RBFOX1: variants seen among roughly 807,000 people sequenced by gnomAD.
RBFOX1 encodes RNA binding protein fox-1 homolog 1.
In RBFOX1, 8 loss-of-function variants were observed where a neutral mutation model predicts 57.7. That is an observed-to-expected ratio of 0.14 (90% confidence interval 0.08 to 0.25). RBFOX1 has a LOEUF of 0.25. Among genes scored for constraint, RBFOX1 ranks in the 10% least tolerant of loss-of-function variants. The pLI is 1.00. For synonymous variants in RBFOX1, 326 were observed against 222.4 expected (o/e 1.47, Z -4.15); for missense variants, 611 against 548.5 (o/e 1.11, Z -1.14).
At chr16:7,373,921 C>T (rs960166713) in intron 4 of RBFOX1, among the ~76,000 whole-genome samples, 6 of 152,182 alleles carry the variant, frequency 3.9e-5, no homozygotes, top group African/African-American at 1.2e-4. Context: ...AACTTAGGCT[C>T]CTCGTAGCAG....
intron 5 of RBFOX1, among the ~76,000 whole-genome samples, chr16:7,568,770 C>T (rs1233550661): frequency 3.3e-5 from 5 of 150,564 alleles, no homozygotes; most frequent in Non-Finnish European, 7.4e-5. Flanking sequence ...ACTTGTAGTG[C>T]CAGCTACTTG....
intron 2 of RBFOX1, among the ~76,000 whole-genome samples, chr16:5,581,820 G>A (rs12448193): frequency 0.083 from 12,696 of 152,114 alleles, 1,310 homozygotes; most frequent in East Asian, 0.52. Flanking sequence ...TGCAAGGTGG[G>A]CCCAGGTAAG....
chr16:5,246,233 G>A (rs2062296850), intron 1 of RBFOX1, among the ~76,000 whole-genome samples: 2 of 152,272 alleles, frequency 1.3e-5, no homozygotes, highest in Admixed American at 6.5e-5. Context: ...GTGACAGAGC[G>A]AGACTCTGTT....
intron 2 of RBFOX1, among the ~76,000 whole-genome samples, chr16:6,454,224 G>A (rs114185962): frequency 0.012 from 1,888 of 152,264 alleles, 41 homozygotes; most frequent in African/African-American, 0.044. Flanking sequence ...GAATTTGGGA[G>A]TGGGGCAAGT....
chr16:6,593,781 G>A lies in RBFOX1; in HGVS notation c.-63-60822G>A, dbSNP rs145065408. On this transcript the variant is annotated intron_variant, in intron 2 of 15. Transcript: ENST00000550418. Reference sequence around the variant, plus strand: ...GGAGGAGAAACTGGAGAGCAGAAAGGCAGGTGGCATTAGCATATGTCAGAT... The same window carrying A: ...GGAGGAGAAACTGGAGAGCAGAAAGACAGGTGGCATTAGCATATGTCAGAT... 4.8e-3 allele frequency among the ~76,000 whole-genome samples: 724 copies of A among 152,278 alleles called. 3 individuals carry two copies. Among genetic ancestry groups the A allele is most frequent in the Non-Finnish European group, 8.5e-3 (581 of 68,016 alleles).
chr16:5,450,537 T>C (rs1212938374), intron 1 of RBFOX1, among the ~76,000 whole-genome samples: 1 of 152,202 alleles, frequency 6.6e-6, no homozygotes, highest in African/African-American at 2.4e-5. Context: ...TTGGCGCTGC[T>C]AGGAGAGGTT....
At chr16:5,312,417 C>G (rs1244228396) in intron 1 of RBFOX1, among the ~76,000 whole-genome samples, 5 of 152,182 alleles carry the variant, frequency 3.3e-5, no homozygotes, top group Admixed American at 6.5e-5. Flanking sequence ...TGCCCGGGTT[C>G]AAGTGATTCT....
intron 4 of RBFOX1, among the ~76,000 whole-genome samples, chr16:7,267,738 C>A (rs150504107): frequency 5.9e-5 from 9 of 152,126 alleles, no homozygotes; most frequent in African/African-American, 1.9e-4. Context: ...TGCCTGTAGT[C>A]CCAGCTACTT....
chr16:7,028,109 T>G (rs955142252), intron 3 of RBFOX1, among the ~76,000 whole-genome samples: 5 of 152,096 alleles, frequency 3.3e-5, no homozygotes, highest in Admixed American at 1.3e-4. Flanking sequence ...TGGCACAGTT[T>G]GACTGCCTAG....
chr16:5,379,384 T>C (rs1336643264), intron 1 of RBFOX1, among the ~76,000 whole-genome samples: 1 of 151,606 alleles, frequency 6.6e-6, no homozygotes, highest in African/African-American at 2.4e-5. Context: ...GTGTTGTTTA[T>C]CTTGTGAGTT....
intron 10 of RBFOX1, among the ~76,000 whole-genome samples, chr16:7,610,231 T>C (rs2057213264): frequency 6.6e-6 from 1 of 150,850 alleles, no homozygotes; most frequent in Non-Finnish European, 1.5e-5. Flanking sequence ...GCAATTCTTC[T>C]GCCTTAGCCT....
chr16:5,996,213 T>C (rs2060487676), intron 4 of RBFOX1, among the ~76,000 whole-genome samples: 1 of 152,000 alleles, frequency 6.6e-6, no homozygotes, highest in African/African-American at 2.4e-5. Context: ...CTGCAAACAG[T>C]GGTCATTTTC....
intron 4 of RBFOX1, among the ~76,000 whole-genome samples, chr16:7,187,557 C>T (rs8054631): frequency 2.3e-4 from 34 of 151,084 alleles, no homozygotes; most frequent in Non-Finnish European, 3.7e-4. Context: ...GGCGTGGTGG[C>T]GGGCGCCTGT....
At chr16:6,357,446 G>A (rs551710561) in intron 2 of RBFOX1, among the ~76,000 whole-genome samples, 1 of 151,830 alleles carries the variant, frequency 6.6e-6, no homozygotes, top group African/African-American at 2.4e-5. Flanking sequence ...GGGGTAAAGA[G>A]GGTATTGTTT....
At chr16:6,679,331 G>A (rs560971235) in intron 3 of RBFOX1, among the ~76,000 whole-genome samples, 9 of 152,094 alleles carry the variant, frequency 5.9e-5, no homozygotes, top group Middle Eastern at 6.8e-3. Flanking sequence ...TAACAATGAC[G>A]AGCTTGATAT....
At chr16:6,098,435 G>C (rs900369146) in intron 1 of RBFOX1, among the ~76,000 whole-genome samples, 1 of 152,180 alleles carries the variant, frequency 6.6e-6, no homozygotes, top group Non-Finnish European at 1.5e-5. Context: ...TCCTAAATTA[G>C]CTTTGTGTCT....
At chr16:6,754,637 A>G (rs561747477) in intron 3 of RBFOX1, among the ~76,000 whole-genome samples, 1 of 151,928 alleles carries the variant, frequency 6.6e-6, no homozygotes, top group Non-Finnish European at 1.5e-5. Flanking sequence ...ACTTTTATAT[A>G]CGGGGATGTT....
At chr16:7,196,377 C>G (rs1027849944) in intron 4 of RBFOX1, among the ~76,000 whole-genome samples, 2 of 152,156 alleles carry the variant, frequency 1.3e-5, no homozygotes, top group Admixed American at 1.3e-4. Context: ...CCCCTCTCCC[C>G]AGCCCCATTT....
intron 3 of RBFOX1, among the ~76,000 whole-genome samples, chr16:5,773,720 C>G (rs1026674392): frequency 6.6e-6 from 1 of 152,120 alleles, no homozygotes; most frequent in African/African-American, 2.4e-5. Flanking sequence ...ATTTTTGAGA[C>G]AGAGTCTCGC....
Sources: gnomAD v4.1 joint callset for allele counts (sites outside exome capture counted in the v4.1 genomes callset) on GRCh38, gnomAD v4.1.1 for gene constraint, MANE v1.5 for transcripts, NCBI Gene and HGNC (gene_info 2026-07-23, HGNC 2026-07-21) for gene names.